The following MAP1B variants were observed in gnomAD, a reference collection of about 807,000 sequenced individuals.
The protein encoded by MAP1B is microtubule associated protein 1B, also known as microtubule-associated protein 1B.
A neutral mutation model predicts 176.1 loss-of-function variants in MAP1B; 12 were observed. The observed-to-expected ratio is 0.07, with a 90% CI of 0.04 to 0.11. The LOEUF (loss-of-function observed/expected upper bound fraction) is 0.11, where lower values mean the gene tolerates loss of function less well. Among genes scored for constraint, MAP1B ranks in the 10% least tolerant of loss-of-function variants. The pLI is 1.00. For missense variants in MAP1B, 2,523 were observed against 2,990.5 expected (o/e 0.84, Z 3.65); for synonymous variants, 1,044 against 1,135.0 (o/e 0.92, Z 1.61).
rs78256662 is a variant in MAP1B, at chr5:72,199,978, G to T, written c.6623G>T (p.Arg2208Leu). The T allele has an allele frequency of 2.5e-6, 4 of 1,614,162 alleles. No homozygotes were observed. Among genetic ancestry groups the T allele is most frequent in the Non-Finnish European group, 3.4e-6 (4 of 1,180,026 alleles). Residue 2208 changes from arginine (R) to leucine (L), a missense_variant, in exon 5 of 7, where the codon CGC becomes CTC. Arg to Leu is a moderately radical substitution (Grantham distance 102). Around this residue, in one of 4 missense-constraint regions of MAP1B, gnomAD observed 287 missense variants for 401.5 expected, o/e 0.71. Transcript: ENST00000296755. The surrounding 1 kb of genome is among the most constrained non-coding windows in gnomAD (Gnocchi z 4.2). ...CCACCTCCAGCTCCCGTGCAAGACCGCAGCCCTTCGCCACGCCACCCTGAT... is the reference window on the plus strand; with the variant it reads ...CCACCTCCAGCTCCCGTGCAAGACCTCAGCCCTTCGCCACGCCACCCTGAT... The part of the protein sequence containing the change: ...MDPPPAPVQD[R>L]SPSPRHPDVS...
chr5:72,163,299 G>A (rs1580002449), intron 2 of MAP1B, among the ~76,000 whole-genome samples: 1 of 151,362 alleles, frequency 6.6e-6, no homozygotes. Flanking sequence ...TGGACATACT[G>A]TGTGAAGAGT....
chr5:72,175,285 T>TG (rs1746630502), intron 2 of MAP1B, among the ~76,000 whole-genome samples: 1 of 151,960 alleles, frequency 6.6e-6, no homozygotes, highest in South Asian at 2.1e-4. Context: ...GGCTGGTCAC[T>TG]GTATTTAAAG....
At chr5:72,117,916 G>A (rs539919868) in intron 2 of MAP1B, among the ~76,000 whole-genome samples, 1 of 152,308 alleles carries the variant, frequency 6.6e-6, no homozygotes, top group South Asian at 2.1e-4. Context: ...GGTGATAAAA[G>A]CACATGTCAG....
chr5:72,163,144 C>T lies in MAP1B; in HGVS notation c.287-20599C>T, dbSNP rs1258372079. ...TTGGGAGACTGAGGCAGGAGAATTGCTTGAACCTGGGAGGTGGAGGTTGTG... is the reference window on the plus strand; with the variant it reads ...TTGGGAGACTGAGGCAGGAGAATTGTTTGAACCTGGGAGGTGGAGGTTGTG... On this transcript the variant is annotated intron_variant, in intron 2 of 6. Coordinates refer to ENST00000296755, the MANE Select transcript of MAP1B (RefSeq NM_005909.5). Among the ~76,000 whole-genome samples the T allele has an allele frequency of 2.1e-5, 3 of 146,196 alleles. No individual in the cohort carries two copies. In the Admixed American group the frequency reaches 2.1e-4, roughly 10 times the overall value.
In MAP1B at chr5:72,207,387, A is replaced by G. The variant is rs1747475708; in HGVS notation, c.*2148A>G. ...AAGTCTATGTTTTGCACTGCTAACT[A>G]TGATGAGGGTTTAAAAAAATGCTTC... On this transcript the variant is annotated 3_prime_UTR_variant, in exon 7 of 7. Transcript: ENST00000296755. 1 of 152,246 alleles carries G rather than the reference A, an allele frequency of 6.6e-6. No homozygotes were observed. Among genetic ancestry groups the G allele is most frequent in the South Asian group, 2.1e-4 (1 of 4,828 alleles). The allele number at this position is 152,246 out of a possible 1,614,324, so 9.4% of individuals were successfully genotyped here.
intron 2 of MAP1B, among the ~76,000 whole-genome samples, chr5:72,133,880 T>G (rs934945677): frequency 5.9e-5 from 9 of 152,244 alleles, no homozygotes; most frequent in African/African-American, 2.2e-4. Context: ...CTTTGTAGCA[T>G]TATCAGTTCT....
rs1449235046 is a variant in MAP1B at position 72,199,052 on chromosome 5, A to G, written c.5697A>G (p.Ser1899=). 1 of 1,614,182 alleles carries G rather than the reference A, an allele frequency of 6.2e-7. No individual in the cohort carries two copies. Among genetic ancestry groups the G allele is most frequent in the East Asian group, 2.2e-5 (1 of 44,890 alleles). The change falls in exon 5 of 7, where the codon TCA becomes TCG. Residue 1899 remains serine (S), a synonymous_variant. Transcript: ENST00000296755. This position sits in a 1 kb window ranked among gnomAD's most constrained non-coding sequence, Gnocchi z 4.2. ...CTTATGAGAAGACCACCCGGACCTC[A>G]GATGTGGGTGGCTATTACTATGAGA... The part of the protein sequence containing the change: ...YESYEKTTRT[S]DVGGYYYEKI...
rs917367109 is a variant in MAP1B, at chr5:72,208,681, C to T, written c.*3442C>T. 6.6e-6 allele frequency: 1 copy of T among 152,168 alleles called. No homozygotes were observed. Among genetic ancestry groups the T allele is most frequent in the Non-Finnish European group, 1.5e-5 (1 of 68,020 alleles). The allele number at this position is 152,168 out of a possible 1,614,324, so 9.4% of individuals were successfully genotyped here. ...TGAATGTTTTAAGTGTCTCCAATAG[C>T]TTATGCAGTCTAGGAGCTTTCCAAT... On this transcript the variant is annotated 3_prime_UTR_variant, in exon 7 of 7. Transcript: ENST00000296755.
chr5:72,163,873 A>C (rs189221899), intron 2 of MAP1B, among the ~76,000 whole-genome samples: 50 of 144,310 alleles, frequency 3.5e-4, no homozygotes, highest in Non-Finnish European at 7.6e-5. Context: ...GTTACAGGCT[A>C]TATGACTTTT....
rs778496378 is a variant in MAP1B at position 72,196,906 on chromosome 5, A to G, written c.3551A>G (p.Asn1184Ser). 1.2e-6 allele frequency: 2 copies of G among 1,614,250 alleles called. No individual in the cohort carries two copies. The highest frequency in any genetic ancestry group is 3.3e-5 in the Admixed American group (2 of 60,034). The change falls in exon 5 of 7, where the codon AAC (asparagine) becomes AGC (serine). Residue 1184 changes from asparagine to serine, a missense_variant. Coordinates refer to ENST00000296755, the MANE Select transcript of MAP1B (RefSeq NM_005909.5). The surrounding 1 kb of genome is among the most constrained non-coding windows in gnomAD (Gnocchi z 5.3). Reference sequence around the variant, plus strand: ...AAACCTGCTGATGTTACACCGCTCAACGGATTTTCTGAAGGATCAAAAACA... The same window carrying G: ...AAACCTGCTGATGTTACACCGCTCAGCGGATTTTCTGAAGGATCAAAAACA... ...YSKPADVTPLNGFSEGSKTDA... is the reference protein window; with the variant it reads ...YSKPADVTPLSGFSEGSKTDA...
chr5:72,122,693 A>G (rs1367782256), intron 2 of MAP1B, among the ~76,000 whole-genome samples: 1 of 150,164 alleles, frequency 6.7e-6, no homozygotes, highest in Non-Finnish European at 1.5e-5. Flanking sequence ...TGCTGACTGT[A>G]ATGGCTCTCA....
chr5:72,147,538 G>C, intron 2 of MAP1B, among the ~76,000 whole-genome samples: 1 of 152,052 alleles, frequency 6.6e-6, no homozygotes, highest in Non-Finnish European at 1.5e-5. Context: ...AAAATGCAGA[G>C]AAAGAAAGGC....
In MAP1B at chr5:72,193,935, G is replaced by A. The variant is rs1249582601; in HGVS notation, c.580G>A (p.Gly194Arg). 24 of 1,613,960 alleles carry A rather than the reference G, an allele frequency of 1.5e-5. No homozygotes were observed. Among genetic ancestry groups the A allele is most frequent in the Non-Finnish European group, 2.0e-5 (24 of 1,179,976 alleles). ...ASLTLFCPEEGDWKNSNLDRH... is the reference protein window; with the variant it reads ...ASLTLFCPEERDWKNSNLDRH... ...CTTAACCCTGTTCTGTCCTGAAGAA[G>A]GGGACTGGAAGAACTCCAATCTTGA... Residue 194 changes from glycine to arginine, a missense_variant, in exon 5 of 7, where the codon GGG (glycine) becomes AGG (arginine). By Grantham distance (125) the Gly-to-Arg change is moderately radical. This residue lies in a region of MAP1B where 307 missense variants were observed against 438.4 expected (regional missense o/e 0.70). Transcript: ENST00000296755.
rs746144960 is a variant in MAP1B, at chr5:72,197,517, G to C, written c.4162G>C (p.Glu1388Gln). 6.9e-5 allele frequency: 112 copies of C among 1,614,104 alleles called. No individual in the cohort carries two copies. Among genetic ancestry groups the C allele is most frequent in the Non-Finnish European group, 8.7e-5 (103 of 1,180,044 alleles). The change falls in exon 5 of 7, where the codon GAG becomes CAG. Residue 1388 changes from glutamate (E) to glutamine (Q), a missense_variant. By Grantham distance (29) the Glu-to-Gln change is conservative. Transcript: ENST00000296755. ...SPMDEPVPDS[E>Q]SPIEKVLSPL... Reference sequence around the variant, plus strand: ...CATGGATGAGCCCGTGCCTGACTCAGAGTCTCCTATTGAAAAAGTTTTGTC... The same window carrying C: ...CATGGATGAGCCCGTGCCTGACTCACAGTCTCCTATTGAAAAAGTTTTGTC...
chr5:72,179,551 G>A lies in MAP1B; in HGVS notation c.287-4192G>A, dbSNP rs897719236. 14 of 922,944 alleles carry A rather than the reference G, an allele frequency of 1.5e-5. 1 individual carries two copies. Among genetic ancestry groups the A allele is most frequent in the Admixed American group, 6.2e-5 (1 of 16,208 alleles). The allele number at this position is 922,944 out of a possible 1,614,324, so 57.2% of individuals were successfully genotyped here. A position where few individuals can be genotyped will look rare whatever the true frequency, so the allele number is the denominator to read the frequency against. ...AGCCGCCTGCGCTGAGAACCCGCCC[G>A]CCTGCCGCAGGAAAGCTGGCACCCA... On this transcript the variant is annotated intron_variant, in intron 2 of 6. Transcript: ENST00000296755.
chr5:72,134,692 A>C (rs1348631497), intron 2 of MAP1B, among the ~76,000 whole-genome samples: 1 of 151,894 alleles, frequency 6.6e-6, no homozygotes, highest in East Asian at 1.9e-4. Flanking sequence ...CTGGGACACA[A>C]AGCATGCCTG....
chr5:72,143,486 A>G (rs922048925), intron 2 of MAP1B, among the ~76,000 whole-genome samples: 3 of 152,216 alleles, frequency 2.0e-5, no homozygotes, highest in Admixed American at 1.3e-4. Context: ...TTGCCACCAG[A>G]CAGAATGATG....
Position 72,199,667 on chromosome 5 carries a change from C to T in MAP1B, c.6312C>T (p.Pro2104=). The T allele has an allele frequency of 1.2e-6, 2 of 1,614,184 alleles. No individual in the cohort carries two copies. Among genetic ancestry groups the T allele is most frequent in the Non-Finnish European group, 8.5e-7 (1 of 1,180,028 alleles). ...KTELSPSFIN[P]NPLEWFASEE... Reference sequence around the variant, plus strand: ...AGCTTTCACCCTCTTTCATTAATCCCAATCCTCTTGAGTGGTTTGCCAGTG... The same window carrying T: ...AGCTTTCACCCTCTTTCATTAATCCTAATCCTCTTGAGTGGTTTGCCAGTG... The change falls in exon 5 of 7, where the codon CCC becomes CCT. Residue 2104 remains proline, a synonymous_variant. Coordinates refer to ENST00000296755, the MANE Select transcript of MAP1B (RefSeq NM_005909.5). The surrounding 1 kb of genome is among the most constrained non-coding windows in gnomAD (Gnocchi z 4.2).
chr5:72,151,337 C>T (rs1439640919), intron 2 of MAP1B, among the ~76,000 whole-genome samples: 2 of 152,126 alleles, frequency 1.3e-5, no homozygotes, highest in East Asian at 1.9e-4. Flanking sequence ...TCCCACTAGG[C>T]CTCACCTCAG....
Sources: gnomAD v4.1 joint callset for allele counts (sites outside exome capture counted in the v4.1 genomes callset) on GRCh38, gnomAD v4.1.1 for gene constraint, gnomAD v4.1.1 regional missense constraint, Gnocchi (gnomAD v3.1) non-coding constraint, MANE v1.5 for transcripts, NCBI Gene and HGNC (gene_info 2026-07-23, HGNC 2026-07-21) for gene names.